ASAP2: variants seen among roughly 807,000 people sequenced by gnomAD.
ASAP2 encodes arf-GAP with SH3 domain, ANK repeat and PH domain-containing protein 2.
A neutral mutation model predicts 131.4 loss-of-function variants in ASAP2; 45 were observed. The observed-to-expected ratio is 0.34, with a 90% CI of 0.27 to 0.44. The LOEUF (loss-of-function observed/expected upper bound fraction) is 0.44, where lower values mean the gene tolerates loss of function less well. Ranked by LOEUF, ASAP2 falls within the 20% of genes least tolerant of loss-of-function variation. The probability of loss-of-function intolerance (pLI) is 1.00; values close to 1 mark genes in which losing one functional copy is unlikely to be tolerated. For missense variants in ASAP2, 1,011 were observed against 1,297.0 expected, an observed-to-expected ratio of 0.78 and a Z score of 3.39; for synonymous variants, 510 against 503.0, an observed-to-expected ratio of 1.01 and a Z score of -0.19.
chr2:9,380,849 C>T (rs952702294), intron 20 of ASAP2, 41 bp downstream of exon 20: 5 of 1,597,700 alleles, frequency 3.1e-6, no homozygotes, highest in African/African-American at 1.3e-5. Flanking sequence ...GCACCTGTCA[C>T]GGGACAGGGA....
At chr2:9,371,962 G>A (rs1006499419) in intron 16 of ASAP2, among the ~76,000 whole-genome samples, 1 of 152,176 alleles carries the variant, frequency 6.6e-6, no homozygotes, top group Non-Finnish European at 1.5e-5. Context: ...GATCACATTA[G>A]CAAAGCAAAC....
intron 3 of ASAP2, among the ~76,000 whole-genome samples, chr2:9,299,442 C>T (rs932580363): frequency 2.0e-5 from 3 of 152,160 alleles, no homozygotes; most frequent in African/African-American, 7.2e-5. Flanking sequence ...TTCAGACATG[C>T]AAGGCTTAAA....
At chr2:9,227,257 C>G (rs1662841623) in intron 1 of ASAP2, among the ~76,000 whole-genome samples, 1 of 152,190 alleles carries the variant, frequency 6.6e-6, no homozygotes, top group Admixed American at 6.5e-5. Context: ...ATCCTAAGGG[C>G]ATGTGCTCTG....
At chr2:9,365,663 G>C (rs896339519) in intron 15 of ASAP2, among the ~76,000 whole-genome samples, 9 of 152,234 alleles carry the variant, frequency 5.9e-5, no homozygotes, top group African/African-American at 2.2e-4. Context: ...CCCGTATGGT[G>C]AGTGCCAAGA....
intron 1 of ASAP2, among the ~76,000 whole-genome samples, chr2:9,257,677 C>G (rs1249190800): frequency 6.6e-6 from 1 of 152,162 alleles, no homozygotes; most frequent in Non-Finnish European, 1.5e-5. Context: ...CGCCACCATG[C>G]CCGGCTAATT....
intron 1 of ASAP2, among the ~76,000 whole-genome samples, chr2:9,225,842 ATCT>A (rs1662724853): frequency 6.6e-6 from 1 of 152,190 alleles, no homozygotes; most frequent in Admixed American, 6.5e-5. Flanking sequence ...GCAACTCCTC[ATCT>A]TCTAGTTTGT....
At chr2:9,401,703 T>A (rs1676688854) in intron 27 of ASAP2, among the ~76,000 whole-genome samples, 1 of 152,146 alleles carries the variant, frequency 6.6e-6, no homozygotes, top group Non-Finnish European at 1.5e-5. Flanking sequence ...CACCCCCCAT[T>A]GCTGGATTAG....
At chr2:9,369,492 G>A in intron 16 of ASAP2, among the ~76,000 whole-genome samples, 1 of 152,122 alleles carries the variant, frequency 6.6e-6, no homozygotes, top group East Asian at 1.9e-4. Context: ...GCTCTGTTTA[G>A]TATTATGGCT....
In ASAP2 at chr2:9,285,179, A is replaced by G. The variant is rs144437063; in HGVS notation, c.199+5790A>G. On this transcript the variant is annotated intron_variant, in intron 2 of 27. Transcript: ENST00000281419. ...GAAAAAGTTTTTGAATCCCTGCATT[A>G]GAGCAGTGGTTATAAACTGGAGAGA... Among the ~76,000 whole-genome samples, 811 of 152,330 alleles carry G rather than the reference A, an allele frequency of 5.3e-3. 9 individuals carry two copies. The highest frequency in any genetic ancestry group is 0.012 in the Admixed American group (185 of 15,302).
chr2:9,219,445 C>G (rs1465529014), intron 1 of ASAP2, among the ~76,000 whole-genome samples: 1 of 152,154 alleles, frequency 6.6e-6, no homozygotes, highest in East Asian at 1.9e-4. Flanking sequence ...ACTAGATGTT[C>G]TCTGACCATC....
chr2:9,266,513 TG>T (rs778092082), intron 1 of ASAP2, among the ~76,000 whole-genome samples: 1 of 152,110 alleles, frequency 6.6e-6, no homozygotes, highest in Non-Finnish European at 1.5e-5. Flanking sequence ...GTGCGGGTGG[TG>T]GGCGTCTGCA....
intron 9 of ASAP2, 148 bp from the exon 10 acceptor site, chr2:9,344,383 CT>C (rs1331055126): frequency 9.6e-6 from 6 of 627,020 alleles, no homozygotes; most frequent in Non-Finnish European, 1.7e-5. Flanking sequence ...TCTGATGTCC[CT>C]TTTTTGCTGT....
chr2:9,323,005 C>G (rs1327607557), intron 5 of ASAP2, 116 bp from the exon 6 acceptor site: 2 of 1,291,488 alleles, frequency 1.5e-6, no homozygotes, highest in African/African-American at 3.0e-5. Flanking sequence ...GCTGCCTGTG[C>G]TGAAACGTGT....
At chr2:9,251,213 C>A (rs1363892038) in intron 1 of ASAP2, among the ~76,000 whole-genome samples, 1 of 152,196 alleles carries the variant, frequency 6.6e-6, no homozygotes, top group African/African-American at 2.4e-5. Flanking sequence ...GGAGTTTAGT[C>A]CGCAAGTAGA....
chr2:9,248,533 GA>G (rs1664492222), intron 1 of ASAP2, among the ~76,000 whole-genome samples: 1 of 152,002 alleles, frequency 6.6e-6, no homozygotes, highest in South Asian at 2.1e-4. Context: ...TGACCCCAGT[GA>G]GAGTCAGCGT....
rs138855584 is a variant in ASAP2 at position 9,270,983 on chromosome 2, C to T, written c.127-8334C>T. On this transcript the variant is annotated intron_variant, in intron 1 of 27. Transcript: ENST00000281419. ...AATTTTTTTGTATTTTTAGTAGAGA[C>T]GGGGTTTCACCGTGTTAGCCAGGAT... Among the ~76,000 whole-genome samples, 256 of 151,454 alleles carry T rather than the reference C, an allele frequency of 1.7e-3. 1 individual carries two copies. The highest frequency in any genetic ancestry group is 5.6e-3 in the African/African-American group (233 of 41,302).
At chr2:9,299,552 A>G (rs935299151) in intron 3 of ASAP2, among the ~76,000 whole-genome samples, 1 of 152,208 alleles carries the variant, frequency 6.6e-6, no homozygotes, top group East Asian at 1.9e-4. Context: ...GAGTCAGGAA[A>G]CAGGACCCAA....
intron 1 of ASAP2, among the ~76,000 whole-genome samples, chr2:9,227,707 T>C (rs1167481957): frequency 6.6e-6 from 1 of 152,056 alleles, no homozygotes; most frequent in Non-Finnish European, 1.5e-5. Context: ...ATTTGGGAGG[T>C]CCTCAGTAAC....
chr2:9,314,425 G>T (rs765617936), intron 3 of ASAP2, among the ~76,000 whole-genome samples: 1 of 152,216 alleles, frequency 6.6e-6, no homozygotes, highest in African/African-American at 2.4e-5. Context: ...TGAAGCCCCT[G>T]TAGATTCTGT....
Sources: gnomAD v4.1 joint callset for allele counts (sites outside exome capture counted in the v4.1 genomes callset) on GRCh38, gnomAD v4.1.1 for gene constraint, MANE v1.5 for transcripts, NCBI Gene and HGNC (gene_info 2026-07-23, HGNC 2026-07-21) for gene names.